Variants in HLCS observed in about 807,000 individuals in gnomAD.
HLCS encodes the protein biotin--protein ligase.
A neutral mutation model predicts 75.0 loss-of-function variants in HLCS; 53 were observed. That is an observed-to-expected ratio of 0.71 (90% CI 0.57 to 0.89). HLCS has a LOEUF of 0.89. HLCS is among the 40% of genes least tolerant of loss of function. The probability of loss-of-function intolerance (pLI) is 0.00; values close to 1 mark genes in which losing one functional copy is unlikely to be tolerated. For synonymous variants in HLCS, 431 were observed against 428.6 expected, an observed-to-expected ratio of 1.01 and a Z score of -0.07; for missense variants, 966 against 1,074.0, an observed-to-expected ratio of 0.90 and a Z score of 1.41.
At chr21:36,802,860 G>A in intron 6 of HLCS, among the ~76,000 whole-genome samples, 1 of 152,222 alleles carries the variant, frequency 6.6e-6, no homozygotes, top group East Asian at 1.9e-4. Context: ...AGTCATATAT[G>A]AGCCAGTACA....
At chr21:36,823,135 G>A (rs1342987002) in intron 6 of HLCS, among the ~76,000 whole-genome samples, 2 of 152,174 alleles carry the variant, frequency 1.3e-5, no homozygotes, top group Non-Finnish European at 2.9e-5. Flanking sequence ...GTGTTAAAAT[G>A]TGTATTTTAG....
In HLCS at chr21:36,756,674, G is replaced by GC; in HGVS notation, c.2317dup (p.Ala773GlyfsTer123). 6.2e-7 allele frequency: 1 copy of GC among 1,614,092 alleles called. No homozygotes were observed. Among genetic ancestry groups the GC allele is most frequent in the South Asian group, 1.1e-5 (1 of 91,072 alleles). ...ATCGGCTCTTAAGGGCTTCAGTTCT[G>GC]CCTTGTGTTGTTTATTGTATTCTGT... On this transcript the variant is annotated frameshift_variant, in exon 10 of 11. Coordinates refer to ENST00000674895, the MANE Select transcript of HLCS (RefSeq NM_001352514.2). LOFTEE classifies it high-confidence loss of function.
chr21:36,952,684 G>A (rs904530007), intron 2 of HLCS, among the ~76,000 whole-genome samples: 6 of 151,742 alleles, frequency 4.0e-5, no homozygotes, highest in East Asian at 3.9e-4. Flanking sequence ...CCAACTACCC[G>A]GGAGGCTGAG....
chr21:36,856,848 G>C (rs1257065558), intron 6 of HLCS, among the ~76,000 whole-genome samples: 2 of 152,118 alleles, frequency 1.3e-5, no homozygotes, highest in Non-Finnish European at 2.9e-5. Flanking sequence ...CCAGAGCAAA[G>C]GAACTAAGAT....
At chr21:36,905,579 A>G (rs1367799388) in intron 5 of HLCS, among the ~76,000 whole-genome samples, 1 of 152,236 alleles carries the variant, frequency 6.6e-6, no homozygotes, top group African/African-American at 2.4e-5. Context: ...AATGCTTTAT[A>G]GTCACATAAA....
At chr21:36,881,152 T>C (rs2064196402) in intron 6 of HLCS, among the ~76,000 whole-genome samples, 1 of 152,008 alleles carries the variant, frequency 6.6e-6, no homozygotes, top group Non-Finnish European at 1.5e-5. Flanking sequence ...GTATTTTTAG[T>C]AGAGATGGGG....
intron 5 of HLCS, among the ~76,000 whole-genome samples, chr21:36,913,596 A>G (rs2065810641): frequency 6.6e-6 from 1 of 152,124 alleles, no homozygotes; most frequent in Admixed American, 6.5e-5. Context: ...CTCCGTCTCT[A>G]CTAAAAATAC....
rs1555913905 is a variant in HLCS, at chr21:36,860,335, T to TCACACCCCTCCAGGAAAC, written c.1892+36524_1892+36525insGTTTCCTGGAGGGGTGTG. ...CCAAAGCCATGCCCCCTCCAGGAAG[T>TCACACCCCTCCAGGAAAC]CACACCCCTCCAGGAAGCCACACCC... On this transcript the variant is annotated intron_variant, in intron 6 of 10. Coordinates refer to ENST00000674895, the MANE Select transcript of HLCS (RefSeq NM_001352514.2). Among the ~76,000 whole-genome samples, 3 of 147,768 alleles carry TCACACCCCTCCAGGAAAC rather than the reference T, an allele frequency of 2.0e-5. No homozygotes were observed. In the East Asian group the frequency reaches 6.1e-4, roughly 30 times the overall value.
In HLCS at chr21:36,988,551, G is replaced by T. The variant is rs564252146; in HGVS notation, c.-393+1607C>A. 1.5e-3 allele frequency among the ~76,000 whole-genome samples: 236 copies of T among 152,318 alleles called. 2 individuals are homozygous for T. Among genetic ancestry groups the T allele is most frequent in the African/African-American group, 5.4e-3 (224 of 41,566 alleles). ...TATACACTTTTATACTGGTGTAGGC[G>T]TTTCTCCAGAGTAAATTCCTACCTG... On this transcript the variant is annotated intron_variant, in intron 1 of 11. Coordinates refer to the HLCS transcript ENST00000336648.
chr21:36,776,248 C>T (rs558433457), intron 6 of HLCS, among the ~76,000 whole-genome samples: 1 of 152,290 alleles, frequency 6.6e-6, no homozygotes, highest in East Asian at 1.9e-4. Flanking sequence ...TATGTTTTGT[C>T]CATCTGTCTA....
chr21:36,943,084 G>A (rs528768687), intron 2 of HLCS, among the ~76,000 whole-genome samples: 22 of 152,238 alleles, frequency 1.4e-4, no homozygotes, highest in African/African-American at 4.8e-4. Flanking sequence ...ATACCAACAA[G>A]GACAAGGAAA....
At chr21:36,942,226 G>T (rs1276480213) in intron 2 of HLCS, among the ~76,000 whole-genome samples, 1 of 151,472 alleles carries the variant, frequency 6.6e-6, no homozygotes, top group Non-Finnish European at 1.5e-5. Context: ...AATTGATACA[G>T]AAAAAGAAAA....
At chr21:36,815,761 T>C (rs763993687) in intron 6 of HLCS, among the ~76,000 whole-genome samples, 1 of 152,170 alleles carries the variant, frequency 6.6e-6, no homozygotes, top group Non-Finnish European at 1.5e-5. Context: ...TGGAGAAAAG[T>C]TGTTCTAGTT....
intron 6 of HLCS, among the ~76,000 whole-genome samples, chr21:36,876,041 G>A (rs1033331422): frequency 1.3e-5 from 2 of 152,118 alleles, no homozygotes; most frequent in Non-Finnish European, 1.5e-5. Context: ...GGCAGCACCC[G>A]TGCCAGGGCA....
chr21:36,789,712 C>T (rs1015131071), intron 6 of HLCS, among the ~76,000 whole-genome samples: 1 of 152,226 alleles, frequency 6.6e-6, no homozygotes, highest in Admixed American at 6.5e-5. Flanking sequence ...CCACCTTACG[C>T]ATTTTCTAGT....
intron 8 of HLCS, among the ~76,000 whole-genome samples, chr21:36,762,057 T>C (rs568055071): frequency 6.6e-6 from 1 of 152,182 alleles, no homozygotes; most frequent in Non-Finnish European, 1.5e-5. Context: ...GTGTGCTCAT[T>C]TTTCATTTTC....
intron 6 of HLCS, among the ~76,000 whole-genome samples, chr21:36,789,645 C>T (rs904960563): frequency 2.0e-5 from 3 of 152,148 alleles, no homozygotes; most frequent in Non-Finnish European, 2.9e-5. Context: ...AGAGTAATCC[C>T]GACAGTCTGG....
intron 6 of HLCS, among the ~76,000 whole-genome samples, chr21:36,816,437 G>C (rs1037352265): frequency 2.6e-5 from 4 of 152,062 alleles, no homozygotes; most frequent in Admixed American, 1.3e-4. Flanking sequence ...TGCTGTAGGG[G>C]ATAAACTTAA....
chr21:36,840,375 T>C (rs940261437), intron 6 of HLCS, among the ~76,000 whole-genome samples: 2 of 152,174 alleles, frequency 1.3e-5, no homozygotes, highest in African/African-American at 2.4e-5. Context: ...ACTCCAAAAA[T>C]ATCCTCTATG....
Sources: allele counts gnomAD v4.1 joint callset (sites outside exome capture counted in the v4.1 genomes callset), GRCh38; gene constraint gnomAD v4.1.1; transcripts MANE v1.5; gene names NCBI Gene and HGNC (gene_info 2026-07-23, HGNC 2026-07-21).